Variants in MAP9 observed in about 807,000 individuals in gnomAD.
The protein encoded by MAP9 is microtubule-associated protein 9.
MAP9 carries 80 observed loss-of-function variants against 75.2 expected under a neutral mutation model. That is an observed-to-expected ratio of 1.06 (90% CI 0.89 to 1.28). The LOEUF is 1.28. MAP9 is among the 50% of genes most tolerant of loss of function. MAP9 has a pLI of 0.00. For missense variants in MAP9, 753 were observed against 719.9 expected (o/e 1.05, Z -0.53); for synonymous variants, 235 against 237.3 (o/e 0.99, Z 0.09).
In MAP9 at chr4:155,343,364, G is replaced by A. The variant is rs1180688799; in HGVS notation, c.*4419C>T. 2 of 151,572 alleles carry A rather than the reference G, an allele frequency of 1.3e-5. No homozygotes were observed. Among genetic ancestry groups the A allele is most frequent in the African/African-American group, 2.4e-5 (1 of 41,366 alleles). The allele number at this position is 151,572 out of a possible 1,614,324, so 9.4% of individuals were successfully genotyped here. A position where few individuals can be genotyped will look rare whatever the true frequency, so the allele number is the denominator to read the frequency against. On this transcript the variant is annotated 3_prime_UTR_variant, in exon 14 of 14. Coordinates refer to ENST00000311277, the MANE Select transcript of MAP9 (RefSeq NM_001039580.2). ...AAGTACACTAGAAACTAATTAACAGGAAGAGTACAAAATAATATGTTAGTT... is the reference window on the plus strand; with the variant it reads ...AAGTACACTAGAAACTAATTAACAGAAAGAGTACAAAATAATATGTTAGTT...
chr4:155,372,973 T>A, intron 4 of MAP9, 163 bp downstream of exon 4: 1 of 505,312 alleles, frequency 2.0e-6, no homozygotes, highest in Non-Finnish European at 3.4e-6. Context: ...ATACAACAGG[T>A]CTGTAAAATT....
intron 4 of MAP9, among the ~76,000 whole-genome samples, chr4:155,370,310 C>T (rs185290069): frequency 6.6e-6 from 1 of 152,328 alleles, no homozygotes; most frequent in East Asian, 1.9e-4. Context: ...CACATCACTC[C>T]TTTCTACAAA....
intron 1 of MAP9, 131 bp from the exon 2 acceptor site, chr4:155,376,045 G>A (rs1387088327): frequency 4.9e-6 from 2 of 409,910 alleles, no homozygotes; most frequent in Non-Finnish European, 8.7e-6. Context: ...CACTTAAAAA[G>A]GTTCTTGTAA....
At chr4:155,361,766 C>T (rs1560810606) in intron 6 of MAP9, among the ~76,000 whole-genome samples, 1 of 151,994 alleles carries the variant, frequency 6.6e-6, no homozygotes, top group East Asian at 1.9e-4. Context: ...GTGCTCACTC[C>T]ACTTGGGCTA....
In MAP9 at chr4:155,347,890, GT is replaced by G; in HGVS notation, c.1836del (p.Lys612AsnfsTer64). On this transcript the variant is annotated frameshift_variant, in exon 14 of 14. Coordinates refer to ENST00000311277, the MANE Select transcript of MAP9 (RefSeq NM_001039580.2). LOFTEE classifies it high-confidence loss of function. ...TTCTGTTTTCGTTCAATTCTTTCTT[GT>G]TTTTCCTTATTTTCCTAAAGAGAAA... The part of the protein sequence containing the change: ...EYEKWLENKE[K>X]QERIERKQKK... 1 of 1,533,952 alleles carries G rather than the reference GT, an allele frequency of 6.5e-7. No individual in the cohort carries two copies.
At position 155,352,626 on chromosome 4, in the gene MAP9, T is replaced by C. The variant is rs1432132444; in HGVS notation, c.1791A>G (p.Lys597=). 1.3e-6 allele frequency: 2 copies of C among 1,526,988 alleles called. No individual in the cohort carries two copies. The highest frequency in any genetic ancestry group is 1.4e-5 in the African/African-American group (1 of 71,920). 94.6% of individuals were successfully genotyped at this position (1,526,988 alleles called of 1,614,324 possible). A position where few individuals can be genotyped will look rare whatever the true frequency, so the allele number is the denominator to read the frequency against. The part of the protein sequence containing the change: ...LKRAEKKDKD[K]QAINEYEKWL... The stretch of plus-strand genomic sequence containing the variant: ...ATTTTTCATATTCATTAATAGCTTG[T>C]TTATCTTTATCTTTTTTCTCAGCTC... Residue 597 remains lysine (K), a synonymous_variant, in exon 13 of 14, where the codon AAA becomes AAG. Transcript: ENST00000311277.
In MAP9 at chr4:155,355,802, T is replaced by C; in HGVS notation, c.1204A>G (p.Thr402Ala). The C allele has an allele frequency of 6.2e-7, 1 of 1,613,888 alleles. No homozygotes were observed. Among genetic ancestry groups the C allele is most frequent in the Non-Finnish European group, 8.5e-7 (1 of 1,179,860 alleles). Residue 402 changes from threonine (T) to alanine (A), a missense_variant, in exon 9 of 14, where the codon ACT becomes GCT. By Grantham distance (58) the Thr-to-Ala change is moderately conservative. Transcript: ENST00000311277. ...STTTSSHYLG[T>A]LKVLDQKPSQ... is the part of the protein sequence containing the mutation. ...GGTTTTTGGTCCAAGACTTTTAAAGTCCCTAAATAGTGAGAAGAGGTAGTT... is the reference window on the plus strand; with the variant it reads ...GGTTTTTGGTCCAAGACTTTTAAAGCCCCTAAATAGTGAGAAGAGGTAGTT...
rs761258893 is a variant in MAP9 at position 155,362,151 on chromosome 4, C to CA, written c.709-11dup. ...TTGTTAAGCATGAATCCTGTTTTCG[C>CA]AAAAAAAAATACATTTGCCACATAA... On this transcript the variant is annotated splice_polypyrimidine_tract_variant and intron_variant, in intron 5 of 13. Coordinates refer to ENST00000311277, the MANE Select transcript of MAP9 (RefSeq NM_001039580.2). The CA allele has an allele frequency of 1.4e-3, 1,966 of 1,378,604 alleles. No homozygotes were observed. The highest frequency in any genetic ancestry group is 1.7e-3 in the African/African-American group (110 of 66,358). 85.4% of individuals were successfully genotyped at this position (1,378,604 alleles called of 1,614,324 possible).
chr4:155,357,564 T>C lies in MAP9; in HGVS notation c.1051-45A>G, dbSNP rs113991914. The C allele has an allele frequency of 1.9e-4, 226 of 1,195,342 alleles. No individual in the cohort carries two copies. The African/African-American group carries it at 2.9e-3, about 15-fold the overall frequency. The allele number at this position is 1,195,342 out of a possible 1,614,324, so 74.0% of individuals were successfully genotyped here. Reference sequence around the variant, plus strand: ...AAAGATGATTTATTCATGACAACTATCCTTTTTAGGCTTAGAAGCCAAACT... The same window carrying C: ...AAAGATGATTTATTCATGACAACTACCCTTTTTAGGCTTAGAAGCCAAACT... On this transcript the variant is annotated intron_variant, in intron 7 of 13. Transcript: ENST00000311277.
At chr4:155,373,608 A>G in intron 3 of MAP9, 152 bp from the exon 4 acceptor site, 2 of 529,866 alleles carry the variant, frequency 3.8e-6, no homozygotes, top group Non-Finnish European at 6.5e-6. Flanking sequence ...TGCAGCTCTA[A>G]AAACACAGCT....
At chr4:155,368,542 A>G (rs566599194) in intron 5 of MAP9, 44 bp downstream of exon 5, 11 of 1,456,714 alleles carry the variant, frequency 7.6e-6, no homozygotes, top group Non-Finnish European at 1.1e-5. Context: ...ATAAAAAAGC[A>G]TAAATTCAAG....
At chr4:155,370,609 C>G (rs973058760) in intron 4 of MAP9, among the ~76,000 whole-genome samples, 44 of 152,074 alleles carry the variant, frequency 2.9e-4, no homozygotes, top group African/African-American at 1.0e-3. Flanking sequence ...TCAGTTTAAG[C>G]AGAATATTAT....
chr4:155,358,885 C>T (rs541330742), intron 7 of MAP9, among the ~76,000 whole-genome samples: 54 of 151,986 alleles, frequency 3.6e-4, no homozygotes, highest in Admixed American at 9.2e-4. Flanking sequence ...TTATACTAGT[C>T]AGAATATTTA....
chr4:155,358,404 A>T (rs891483826), intron 7 of MAP9, among the ~76,000 whole-genome samples: 1 of 152,200 alleles, frequency 6.6e-6, no homozygotes, highest in Admixed American at 6.5e-5. Flanking sequence ...GCTAAGGATG[A>T]TATACCTGGA....
At chr4:155,357,211 T>C (rs10017465) in intron 8 of MAP9, 17,438 of 449,418 alleles carry the variant, frequency 0.039, 972 homozygotes, top group African/African-American at 0.17. Context: ...AGGTATTGCA[T>C]AAACATTCCA....
chr4:155,370,890 A>G (rs1484260727), intron 4 of MAP9, among the ~76,000 whole-genome samples: 2 of 152,192 alleles, frequency 1.3e-5, no homozygotes, highest in Admixed American at 1.3e-4. Flanking sequence ...AAGCACTTCA[A>G]ATATGTGAAC....
chr4:155,347,858 A>C lies in MAP9; in HGVS notation c.1869T>G (p.Arg623=), dbSNP rs1324728354. 12 of 1,593,736 alleles carry C rather than the reference A, an allele frequency of 7.5e-6. No individual in the cohort carries two copies. In the Admixed American group the frequency reaches 2.0e-4, roughly 27 times the overall value. The change falls in exon 14 of 14, where the codon CGT becomes CGG. Residue 623 remains arginine (R), a synonymous_variant. Coordinates refer to ENST00000311277, the MANE Select transcript of MAP9 (RefSeq NM_001039580.2). ...GTGCCTCACTTTCAAGAAAGGAATGACGTTTCTTCTGTTTTCGTTCAATTC... is the reference window on the plus strand; with the variant it reads ...GTGCCTCACTTTCAAGAAAGGAATGCCGTTTCTTCTGTTTTCGTTCAATTC... ...QERIERKQKK[R]HSFLESEALP...
chr4:155,371,317 A>G (rs1465877848), intron 4 of MAP9, among the ~76,000 whole-genome samples: 2 of 152,090 alleles, frequency 1.3e-5, no homozygotes, highest in Non-Finnish European at 2.9e-5. Flanking sequence ...TTTAGAGGAT[A>G]AACTCATGAA....
At chr4:155,350,886 T>C (rs955555548) in intron 13 of MAP9, 1 of 152,022 alleles carries the variant, frequency 6.6e-6, no homozygotes, top group African/African-American at 2.4e-5. Context: ...TCTTCATTTG[T>C]GTTGTTCAGG....
Sources: gnomAD v4.1 joint callset for allele counts (sites outside exome capture counted in the v4.1 genomes callset) on GRCh38, gnomAD v4.1.1 for gene constraint, MANE v1.5 for transcripts, NCBI Gene and HGNC (gene_info 2026-07-23, HGNC 2026-07-21) for gene names.